ANGPT2: variants seen among roughly 807,000 people sequenced by gnomAD.
ANGPT2 encodes the protein angiopoietin 2, also known as angiopoietin-2.
ANGPT2 carries 28 observed loss-of-function variants against 62.9 expected under a neutral mutation model. The ratio of observed to expected loss-of-function variants is 0.44; its 90% confidence interval spans 0.33 to 0.61. The LOEUF is 0.61. Among genes scored for constraint, ANGPT2 ranks in the 20% least tolerant of loss-of-function variants. The probability of loss-of-function intolerance (pLI) is 0.03; values close to 1 mark genes in which losing one functional copy is unlikely to be tolerated. For synonymous variants in ANGPT2, 284 were observed against 207.8 expected (o/e 1.37, Z -3.15); for missense variants, 727 against 594.9 (o/e 1.22, Z -2.31).
Position 6,521,163 on chromosome 8 carries a change from G to T in ANGPT2, c.799+15C>A. The T allele has an allele frequency of 6.3e-7, 1 of 1,599,826 alleles. No homozygotes were observed. Among genetic ancestry groups the T allele is most frequent in the South Asian group, 1.1e-5 (1 of 90,252 alleles). On this transcript the variant is annotated intron_variant, in intron 4 of 8. Coordinates refer to ENST00000629816, the MANE Select transcript of ANGPT2 (RefSeq NM_001118887.2). ...AGGTTATTAACGCTGAAGAAAGCAT[G>T]ATATGTAAACTTACAGTTTGATGTG...
intron 3 of ANGPT2, among the ~76,000 whole-genome samples, chr8:6,523,847 A>G (rs771315815): frequency 4.6e-5 from 7 of 151,162 alleles, no homozygotes; most frequent in Non-Finnish European, 1.0e-4. Context: ...TCGGCCTTCC[A>G]AAGTGCTGGA....
Position 6,513,863 on chromosome 8 carries a change from A to G in ANGPT2, c.1030-19T>C. Reference sequence around the variant, plus strand: ...CAAATCCCTGTAATGCAAGTTGTTAAATTCAATTATTTCATGTAATTTTTT... The same window carrying G: ...CAAATCCCTGTAATGCAAGTTGTTAGATTCAATTATTTCATGTAATTTTTT... On this transcript the variant is annotated intron_variant, in intron 6 of 8. Transcript: ENST00000629816. 6.3e-7 allele frequency: 1 copy of G among 1,588,906 alleles called. No individual in the cohort carries two copies.
chr8:6,559,347 T>G (rs771583018), intron 1 of ANGPT2, among the ~76,000 whole-genome samples: 14 of 152,140 alleles, frequency 9.2e-5, no homozygotes, highest in Non-Finnish European at 1.9e-4. Flanking sequence ...TGACGGCAGC[T>G]ATGTTTGAAG....
chr8:6,554,807 GAA>G (rs1372439836), intron 1 of ANGPT2, among the ~76,000 whole-genome samples: 1 of 152,164 alleles, frequency 6.6e-6, no homozygotes, highest in Non-Finnish European at 1.5e-5. Context: ...ATTGCAAAGA[GAA>G]AGGTTTTAGC....
intron 1 of ANGPT2, among the ~76,000 whole-genome samples, chr8:6,533,948 G>C (rs904978233): frequency 6.6e-6 from 1 of 152,102 alleles, no homozygotes; most frequent in African/African-American, 2.4e-5. Flanking sequence ...CTTGTGACTG[G>C]TATCAGATGG....
chr8:6,511,735 T>TG (rs1186611069), intron 7 of ANGPT2, among the ~76,000 whole-genome samples: 4 of 152,182 alleles, frequency 2.6e-5, no homozygotes, highest in Non-Finnish European at 5.9e-5. Flanking sequence ...AATGTGTGTG[T>TG]TTTTCTAAAT....
chr8:6,520,483 C>T (rs1283519152), intron 4 of ANGPT2, among the ~76,000 whole-genome samples: 1 of 152,144 alleles, frequency 6.6e-6, no homozygotes, highest in East Asian at 1.9e-4. Flanking sequence ...GCATCCTCCT[C>T]CTCCCAGGTT....
At chr8:6,517,875 G>A (rs1233661560) in intron 5 of ANGPT2, among the ~76,000 whole-genome samples, 2 of 152,222 alleles carry the variant, frequency 1.3e-5, no homozygotes, top group Non-Finnish European at 2.9e-5. Context: ...GAATTTAGAA[G>A]TAACAATTGA....
At chr8:6,530,243 C>G (rs1213671879) in intron 2 of ANGPT2, among the ~76,000 whole-genome samples, 2 of 152,000 alleles carry the variant, frequency 1.3e-5, no homozygotes, top group South Asian at 2.1e-4. Context: ...TACGGTGGCT[C>G]ACGCCTGTGA....
chr8:6,506,480 T>G (rs1384439133), intron 8 of ANGPT2, among the ~76,000 whole-genome samples: 1 of 152,172 alleles, frequency 6.6e-6, no homozygotes, highest in Non-Finnish European at 1.5e-5. Flanking sequence ...CCTACTCTCC[T>G]GAGAAGCTCA....
At chr8:6,551,968 A>C (rs1180476100) in intron 1 of ANGPT2, among the ~76,000 whole-genome samples, 2 of 152,250 alleles carry the variant, frequency 1.3e-5, no homozygotes, top group Non-Finnish European at 2.9e-5. Flanking sequence ...CTAATACTTC[A>C]ACTATCTTCA....
At chr8:6,525,049 G>T (rs1285207747) in intron 3 of ANGPT2, among the ~76,000 whole-genome samples, 1 of 152,182 alleles carries the variant, frequency 6.6e-6, no homozygotes, top group African/African-American at 2.4e-5. Context: ...GGCCTCTCGG[G>T]CCCCTTTTAG....
At chr8:6,542,254 C>T (rs1821731253) in intron 1 of ANGPT2, among the ~76,000 whole-genome samples, 1 of 151,890 alleles carries the variant, frequency 6.6e-6, no homozygotes, top group South Asian at 2.1e-4. Context: ...TGTCTAGAGA[C>T]ATATATGCAT....
intron 1 of ANGPT2, among the ~76,000 whole-genome samples, chr8:6,536,629 G>C (rs1320114141): frequency 6.6e-6 from 1 of 152,072 alleles, no homozygotes; most frequent in Non-Finnish European, 1.5e-5. Flanking sequence ...AATTTTTAGA[G>C]GTACAGAAAG....
intron 1 of ANGPT2, among the ~76,000 whole-genome samples, chr8:6,537,549 T>TAC (rs1820730487): frequency 6.6e-6 from 1 of 151,010 alleles, no homozygotes; most frequent in African/African-American, 2.4e-5. Flanking sequence ...ATGCAACATA[T>TAC]ATATATATAT....
At chr8:6,504,094 G>A (rs1256224774) in intron 8 of ANGPT2, among the ~76,000 whole-genome samples, 2 of 152,148 alleles carry the variant, frequency 1.3e-5, no homozygotes, top group African/African-American at 2.4e-5. Flanking sequence ...CGAGGTGGGT[G>A]GATCACGAGA....
chr8:6,527,138 C>T (rs1455727101), intron 3 of ANGPT2, among the ~76,000 whole-genome samples: 1 of 152,164 alleles, frequency 6.6e-6, no homozygotes, highest in Non-Finnish European at 1.5e-5. Flanking sequence ...GTGGTTCTTT[C>T]ACTCCACAGC....
In ANGPT2 at chr8:6,545,860, A is replaced by T. The variant is rs146178375; in HGVS notation, c.289-13373T>A. Among the ~76,000 whole-genome samples, 258 of 152,390 alleles carry T rather than the reference A, an allele frequency of 1.7e-3. 3 individuals are homozygous for T. Among genetic ancestry groups the T allele is most frequent in the African/African-American group, 6.1e-3 (252 of 41,598 alleles). ...GAGAAAAGTGAAATCGATTGAATTT[A>T]GTTCTGCTTTGAGCTACTGCAATGC... On this transcript the variant is annotated intron_variant, in intron 1 of 8. Coordinates refer to ENST00000629816, the MANE Select transcript of ANGPT2 (RefSeq NM_001118887.2).
intron 7 of ANGPT2, among the ~76,000 whole-genome samples, chr8:6,511,630 C>T (rs1815119131): frequency 1.3e-5 from 2 of 152,308 alleles, no homozygotes; most frequent in South Asian, 4.1e-4. Context: ...AGTCCCTTCA[C>T]AGTTCTCTTA....
Sources: gnomAD v4.1 joint callset for allele counts (sites outside exome capture counted in the v4.1 genomes callset) on GRCh38, gnomAD v4.1.1 for gene constraint, MANE v1.5 for transcripts, NCBI Gene and HGNC (gene_info 2026-07-23, HGNC 2026-07-21) for gene names.